PACRGL: variants seen among roughly 807,000 people sequenced by gnomAD.
The protein encoded by PACRGL is parkin coregulated like, also known as PACRG-like protein.
A neutral mutation model predicts 34.5 loss-of-function variants in PACRGL; 38 were observed. The ratio of observed to expected loss-of-function variants is 1.10; its 90% CI spans 0.85 to 1.44. The LOEUF (loss-of-function observed/expected upper bound fraction) is 1.44. Among genes scored for constraint, PACRGL ranks in the 40% most tolerant of loss-of-function variants. The pLI is 0.00. For missense variants in PACRGL, 305 were observed against 281.4 expected, an observed-to-expected ratio of 1.08 and a Z score of -0.60; for synonymous variants, 128 against 100.1, an observed-to-expected ratio of 1.28 and a Z score of -1.66.
At chr4:20,725,321 G>T (rs1477422677) in intron 8 of PACRGL, among the ~76,000 whole-genome samples, 4 of 150,846 alleles carry the variant, frequency 2.7e-5, no homozygotes, top group Non-Finnish European at 5.9e-5. Flanking sequence ...ACACTATTCT[G>T]TCTGTAAGTG....
intron 6 of PACRGL, chr4:20,713,136 A>T: frequency 1.8e-6 from 1 of 562,738 alleles, no homozygotes; most frequent in Non-Finnish European, 3.0e-6. Context: ...TACTAAAGGT[A>T]AAAAGGGACA....
chr4:20,737,089 C>G (rs1749791354), downstream of PACRGL, among the ~76,000 whole-genome samples: 1 of 152,164 alleles, frequency 6.6e-6, no homozygotes, highest in Non-Finnish European at 1.5e-5. Context: ...GCTGTGGCAA[C>G]TGGATCACCA....
chr4:20,707,680 A>G (rs73805127), intron 3 of PACRGL, 123 bp from the exon 4 acceptor site: 13 of 733,154 alleles, frequency 1.8e-5, no homozygotes, highest in South Asian at 1.6e-4. Flanking sequence ...GTTTTTCTCA[A>G]CTGTGTTGCT....
intron 3 of PACRGL, among the ~76,000 whole-genome samples, chr4:20,706,441 TTTC>T (rs1734494906): frequency 6.6e-6 from 1 of 152,228 alleles, no homozygotes; most frequent in African/African-American, 2.4e-5. Context: ...TTCAAACAAC[TTTC>T]TTATCGGATA....
chr4:20,733,124 A>C (rs1051059256), downstream of PACRGL, among the ~76,000 whole-genome samples: 4 of 152,202 alleles, frequency 2.6e-5, no homozygotes, highest in Admixed American at 2.0e-4. Context: ...TGCATTATAT[A>C]TCTTATGTGT....
intron 7 of PACRGL, chr4:20,716,178 C>T: frequency 8.4e-7 from 1 of 1,192,392 alleles, no homozygotes; most frequent in Non-Finnish European, 1.2e-6. Context: ...ATCCATGGAA[C>T]TCAGGAAAGC....
At chr4:20,765,805 T>TAACAAA in the PACRGL span, among the ~76,000 whole-genome samples, 1 of 152,180 alleles carries the variant, frequency 6.6e-6, no homozygotes, top group Non-Finnish European at 1.5e-5. Flanking sequence ...TGCCATAGAT[T>TAACAAA]TGTCTGTTGG....
At position 20,732,144 on chromosome 4, in the gene PACRGL, G is replaced by T; in HGVS notation, c.*4803G>T. 9.9e-7 allele frequency: 1 copy of T among 1,006,784 alleles called. No individual in the cohort carries two copies. Among genetic ancestry groups the T allele is most frequent in the Non-Finnish European group, 1.5e-6 (1 of 658,024 alleles). 62.4% of individuals were successfully genotyped at this position (1,006,784 alleles called of 1,614,324 possible). Reference sequence around the variant, plus strand: ...TCACACCTGGACCAAATGAGCTGAAGCTGATAAAAAGAAAACCTAGCTGCT... The same window carrying T: ...TCACACCTGGACCAAATGAGCTGAATCTGATAAAAAGAAAACCTAGCTGCT... On this transcript the variant is annotated 3_prime_UTR_variant, in exon 9 of 9. Coordinates refer to ENST00000503585, the MANE Select transcript of PACRGL (RefSeq NM_001258345.3).
the PACRGL span, among the ~76,000 whole-genome samples, chr4:20,760,919 T>C: frequency 6.6e-6 from 1 of 152,186 alleles, no homozygotes; most frequent in East Asian, 1.9e-4. Context: ...TGTCCAAGTG[T>C]TTGGTCAAGC....
At position 20,703,477 on chromosome 4, in the gene PACRGL, AGTGTGTGTGT is replaced by A. The variant is rs34932810; in HGVS notation, c.-16-964_-16-955del. Among the ~76,000 whole-genome samples the A allele has an allele frequency of 2.8e-3, 392 of 141,556 alleles. 7 individuals carry two copies. In the East Asian group the frequency reaches 0.038, roughly 14 times the overall value. The allele number at this position is 141,556 out of a possible 152,430, so 92.9% of individuals were successfully genotyped here. On this transcript the variant is annotated intron_variant, in intron 1 of 8. Transcript: ENST00000503585. Reference sequence around the variant, plus strand: ...ATACCAGTAGGCACTTGGGTATATGAGTGTGTGTGTGTGTGTGTGTGTGTGTGTGTGTGTT... The same window carrying A: ...ATACCAGTAGGCACTTGGGTATATGAGTGTGTGTGTGTGTGTGTGTGTGTT...
Position 20,700,573 on chromosome 4 carries a change from G to C in PACRGL, c.-231G>C, listed in dbSNP as rs574859373. 3.1e-4 allele frequency: 47 copies of C among 152,258 alleles called. No homozygotes were observed. Among genetic ancestry groups the C allele is most frequent in the African/African-American group, 1.1e-3 (44 of 41,544 alleles). The allele number at this position is 152,258 out of a possible 1,614,324, so 9.4% of individuals were successfully genotyped here. A position where few individuals can be genotyped will look rare whatever the true frequency, so the allele number is the denominator to read the frequency against. On this transcript the variant is annotated 5_prime_UTR_variant, in exon 1 of 9. Transcript: ENST00000503585. Reference sequence around the variant, plus strand: ...GGTGTGCGGATCGCGGCGGGAGAGAGGCGCGGTAGGAACGGGTCCCCGGAG... The same window carrying C: ...GGTGTGCGGATCGCGGCGGGAGAGACGCGCGGTAGGAACGGGTCCCCGGAG...
downstream of PACRGL, among the ~76,000 whole-genome samples, chr4:20,733,876 T>G (rs1366999929): frequency 6.6e-6 from 1 of 152,172 alleles, no homozygotes; most frequent in African/African-American, 2.4e-5. Context: ...ACTCGTGACC[T>G]GGCACACTTG....
intron 8 of PACRGL, chr4:20,749,671 C>T: frequency 6.2e-7 from 1 of 1,603,784 alleles, no homozygotes; most frequent in Middle Eastern, 1.7e-4. Flanking sequence ...CCTCGAAACT[C>T]ACAGCTCCAT....
intron 7 of PACRGL, among the ~76,000 whole-genome samples, chr4:20,716,819 C>T (rs1056787721): frequency 4.6e-5 from 7 of 152,126 alleles, no homozygotes; most frequent in African/African-American, 1.7e-4. Context: ...TTTATAGCAA[C>T]ATGTTTTATA....
chr4:20,750,580 T>C (rs1753432406), intron 8 of PACRGL, among the ~76,000 whole-genome samples: 1 of 152,182 alleles, frequency 6.6e-6, no homozygotes, highest in South Asian at 2.1e-4. Context: ...TTTCCTTCCT[T>C]CCTTTCCTGT....
chr4:20,721,560 G>T (rs1413714140), intron 7 of PACRGL, among the ~76,000 whole-genome samples: 1 of 152,232 alleles, frequency 6.6e-6, no homozygotes, highest in Admixed American at 6.5e-5. Flanking sequence ...ACGCTCAGCT[G>T]CAGGTCTGTT....
intron 7 of PACRGL, among the ~76,000 whole-genome samples, chr4:20,715,203 C>T (rs1057020206): frequency 6.6e-6 from 1 of 152,046 alleles, no homozygotes; most frequent in Non-Finnish European, 1.5e-5. Context: ...TGTTCTCACT[C>T]ATAGGTGGGA....
intron 7 of PACRGL, among the ~76,000 whole-genome samples, chr4:20,714,295 G>A (rs1315005835): frequency 6.6e-6 from 1 of 152,078 alleles, no homozygotes; most frequent in African/African-American, 2.4e-5. Context: ...TTTAAAGTCT[G>A]TTTTATCCAA....
intron 8 of PACRGL, among the ~76,000 whole-genome samples, chr4:20,738,591 G>A (rs1056475642): frequency 2.0e-5 from 3 of 152,214 alleles, no homozygotes; most frequent in African/African-American, 4.8e-5. Flanking sequence ...GAGAAACAAT[G>A]AAAGATTTAA....
Sources: allele counts gnomAD v4.1 joint callset (sites outside exome capture counted in the v4.1 genomes callset), GRCh38; gene constraint gnomAD v4.1.1; transcripts MANE v1.5; gene names NCBI Gene and HGNC (gene_info 2026-07-23, HGNC 2026-07-21).